Variants in CDH13 observed in about 807,000 individuals in gnomAD.
CDH13 encodes the protein cadherin 13, also known as cadherin-13.
In CDH13, 24 loss-of-function variants were observed where a neutral mutation model predicts 63.8. The ratio of observed to expected loss-of-function variants is 0.38; its 90% CI spans 0.27 to 0.53. The LOEUF is 0.53. Ranked by LOEUF, CDH13 falls within the 20% of genes least tolerant of loss-of-function variation. The probability of loss-of-function intolerance (pLI) is 0.85; values close to 1 mark genes in which losing one functional copy is unlikely to be tolerated. For missense variants in CDH13, 1,049 were observed against 903.1 expected (o/e 1.16, Z -2.07); for synonymous variants, 503 against 355.3 (o/e 1.42, Z -4.67).
At chr16:83,363,017 T>G (rs2091191652) in intron 6 of CDH13, among the ~76,000 whole-genome samples, 1 of 152,198 alleles carries the variant, frequency 6.6e-6, no homozygotes, top group African/African-American at 2.4e-5. Context: ...TAATTGCAAC[T>G]CAAAGGATAA....
chr16:83,786,767 T>A (rs1337727731), intron 13 of CDH13, among the ~76,000 whole-genome samples: 2 of 152,078 alleles, frequency 1.3e-5, no homozygotes, highest in African/African-American at 4.8e-5. Flanking sequence ...TTTGTATTTT[T>A]AGTAGAGACG....
chr16:83,454,398 G>A (rs1328656370), intron 6 of CDH13, among the ~76,000 whole-genome samples: 2 of 152,144 alleles, frequency 1.3e-5, no homozygotes, highest in African/African-American at 4.8e-5. Context: ...TTTCAATATT[G>A]ACACTAGAAA....
At chr16:83,079,929 T>C (rs2033118761) in intron 3 of CDH13, among the ~76,000 whole-genome samples, 1 of 152,236 alleles carries the variant, frequency 6.6e-6, no homozygotes, top group South Asian at 2.1e-4. Context: ...ATAGACAATG[T>C]CAACTGGATA....
In CDH13 at chr16:83,705,063, T is replaced by C. The variant is rs188561853; in HGVS notation, c.1538+26602T>C. On this transcript the variant is annotated intron_variant, in intron 10 of 13. Coordinates refer to ENST00000567109, the MANE Select transcript of CDH13 (RefSeq NM_001257.5). ...AGCTCACCACTTCAAGTGCTATATC[T>C]TTCTATATATTGACTTCATTTCTAA... 3.3e-4 allele frequency among the ~76,000 whole-genome samples: 50 copies of C among 152,356 alleles called. 1 individual carries two copies. The East Asian group carries it at 8.9e-3, about 27-fold the overall frequency.
intron 5 of CDH13, among the ~76,000 whole-genome samples, chr16:83,236,272 G>C (rs2040141366): frequency 8.2e-6 from 1 of 122,366 alleles, no homozygotes; most frequent in Non-Finnish European, 1.8e-5. Flanking sequence ...CATAGGTTTT[G>C]TGCTGTCTTG....
At chr16:83,180,831 C>A (rs564075540) in intron 4 of CDH13, 19 of 1,391,530 alleles carry the variant, frequency 1.4e-5, no homozygotes, top group Middle Eastern at 1.8e-4. Context: ...TTATTTTAAT[C>A]CCCAATTTAC....
At chr16:83,451,321 C>G (rs984050764) in intron 6 of CDH13, among the ~76,000 whole-genome samples, 6 of 152,162 alleles carry the variant, frequency 3.9e-5, no homozygotes, top group Non-Finnish European at 1.5e-5. Context: ...AAAGCATGTA[C>G]AGGGAAACTC....
intron 3 of CDH13, among the ~76,000 whole-genome samples, chr16:83,038,186 A>C (rs962867730): frequency 6.6e-6 from 1 of 152,222 alleles, no homozygotes; most frequent in South Asian, 2.1e-4. Context: ...AGTTAAGCCT[A>C]TTTTAGCTGT....
intron 10 of CDH13, among the ~76,000 whole-genome samples, chr16:83,705,058 A>G (rs1423844): frequency 0.01 from 1,527 of 152,334 alleles, 75 homozygotes; most frequent in Admixed American, 0.077. Context: ...TTCAAGTGCT[A>G]TATCTTTCTA....
intron 10 of CDH13, among the ~76,000 whole-genome samples, chr16:83,744,337 T>G (rs1281138999): frequency 1.3e-5 from 2 of 152,074 alleles, no homozygotes; most frequent in African/African-American, 4.8e-5. Context: ...GACGTATGAG[T>G]GGGGTCTTGA....
chr16:83,201,744 T>TAA (rs556572476), intron 4 of CDH13, among the ~76,000 whole-genome samples: 4 of 132,192 alleles, frequency 3.0e-5, no homozygotes, highest in South Asian at 2.4e-4. Flanking sequence ...AAAAAAAAAT[T>TAA]AAAAAAAAAA....
chr16:82,652,433 A>G (rs1910827232), intron 1 of CDH13, among the ~76,000 whole-genome samples: 1 of 152,218 alleles, frequency 6.6e-6, no homozygotes, highest in African/African-American at 2.4e-5. Flanking sequence ...ATTGCATCAG[A>G]AAAGCCATTC....
At chr16:83,562,033 G>C (rs1409205649) in intron 7 of CDH13, among the ~76,000 whole-genome samples, 1 of 152,196 alleles carries the variant, frequency 6.6e-6, no homozygotes. Flanking sequence ...CCCATGTCCA[G>C]AGAATGTGGT....
intron 1 of CDH13, among the ~76,000 whole-genome samples, chr16:82,764,854 A>G (rs1161158000): frequency 2.1e-5 from 3 of 142,074 alleles, no homozygotes. Context: ...CACTCTTGTC[A>G]TCCAGTCTGG....
At chr16:83,567,242 G>A (rs993034211) in intron 7 of CDH13, among the ~76,000 whole-genome samples, 12 of 152,124 alleles carry the variant, frequency 7.9e-5, no homozygotes, top group African/African-American at 2.4e-4. Flanking sequence ...TGACTTCTTC[G>A]CCTTCCCTAG....
intron 7 of CDH13, among the ~76,000 whole-genome samples, chr16:83,565,305 T>C (rs2075773326): frequency 6.6e-6 from 1 of 151,574 alleles, no homozygotes. Flanking sequence ...ATCTGCGCTA[T>C]AGGCACAGAC....
chr16:83,297,214 C>G (rs977735142), intron 5 of CDH13, among the ~76,000 whole-genome samples: 10 of 151,940 alleles, frequency 6.6e-5, no homozygotes, highest in Non-Finnish European at 1.0e-4. Flanking sequence ...CTGAAAATAG[C>G]TAGAAGGGAG....
intron 8 of CDH13, among the ~76,000 whole-genome samples, chr16:83,665,547 T>A (rs1913869040): frequency 2.0e-5 from 3 of 152,230 alleles, no homozygotes; most frequent in Non-Finnish European, 2.9e-5. Flanking sequence ...TACCCTTTTA[T>A]CATCACAAAT....
chr16:82,698,299 G>T (rs1190104112), intron 1 of CDH13, among the ~76,000 whole-genome samples: 1 of 152,200 alleles, frequency 6.6e-6, no homozygotes, highest in Non-Finnish European at 1.5e-5. Flanking sequence ...AAAGCTGGTT[G>T]GGATTGCTTG....
Sources: allele counts gnomAD v4.1 joint callset (sites outside exome capture counted in the v4.1 genomes callset), GRCh38; gene constraint gnomAD v4.1.1; transcripts MANE v1.5; gene names NCBI Gene and HGNC (gene_info 2026-07-23, HGNC 2026-07-21).